The following PPTC7 variants were observed in gnomAD, a reference collection of about 807,000 sequenced individuals.
PPTC7 encodes protein phosphatase PTC7 homolog.
In PPTC7, 6 loss-of-function variants were observed where a neutral mutation model predicts 30.8. That is an observed-to-expected ratio of 0.19 (90% CI 0.11 to 0.38). The LOEUF (loss-of-function observed/expected upper bound fraction) is 0.38. PPTC7 is among the 10% of genes least tolerant of loss of function. PPTC7 has a pLI of 1.00. For missense variants in PPTC7, 218 were observed against 404.8 expected (o/e 0.54, Z 3.96); for synonymous variants, 163 against 168.1 (o/e 0.97, Z 0.23).
At chr12:110,538,865 A>G (rs1467129753) in intron 4 of PPTC7, among the ~76,000 whole-genome samples, 1 of 152,158 alleles carries the variant, frequency 6.6e-6, no homozygotes, top group Non-Finnish European at 1.5e-5. Context: ...TGACCAATCT[A>G]TCTAAAGTAG....
At chr12:110,541,462 C>T (rs1426899677) in intron 3 of PPTC7, among the ~76,000 whole-genome samples, 2 of 151,974 alleles carry the variant, frequency 1.3e-5, no homozygotes, top group African/African-American at 2.4e-5. Context: ...AATCCCTGCA[C>T]TTTGGGAGGC....
chr12:110,554,249 T>A (rs567001836), intron 1 of PPTC7, among the ~76,000 whole-genome samples: 2 of 152,306 alleles, frequency 1.3e-5, no homozygotes, highest in South Asian at 4.1e-4. Flanking sequence ...TCACAGCTCA[T>A]TGCAGTCTTG....
chr12:110,540,414 T>G (rs2064250377), intron 3 of PPTC7, among the ~76,000 whole-genome samples: 1 of 149,858 alleles, frequency 6.7e-6, no homozygotes, highest in Admixed American at 6.7e-5. Context: ...CTCTGCCTCT[T>G]GGGTTCAAGC....
In PPTC7 at chr12:110,534,420, T is replaced by G. The variant is rs1042018021; in HGVS notation, c.*2617A>C. 2 of 151,726 alleles carry G rather than the reference T, an allele frequency of 1.3e-5. No individual in the cohort carries two copies. Among genetic ancestry groups the G allele is most frequent in the African/African-American group, 4.8e-5 (2 of 41,260 alleles). 9.4% of individuals were successfully genotyped at this position (151,726 alleles called of 1,614,324 possible). On this transcript the variant is annotated 3_prime_UTR_variant, in exon 6 of 6. Coordinates refer to ENST00000354300, the MANE Select transcript of PPTC7 (RefSeq NM_139283.2). ...GGCGTGTGTGTGTGTGTGTGTTGCT[T>G]AAAATATAATTAACACACACATCAG... is the stretch of plus-strand genomic sequence containing the variant.
At chr12:110,580,119 C>T (rs1278336920) in intron 1 of PPTC7, among the ~76,000 whole-genome samples, 1 of 152,042 alleles carries the variant, frequency 6.6e-6, no homozygotes, top group Admixed American at 6.6e-5. Context: ...TTCCCTTTAT[C>T]CCCTAGTCCA....
At chr12:110,540,891 G>A (rs1034413166) in intron 3 of PPTC7, among the ~76,000 whole-genome samples, 5 of 151,156 alleles carry the variant, frequency 3.3e-5, no homozygotes, top group South Asian at 2.1e-4. Context: ...TTCTCCTGGC[G>A]CAGCCTCCCG....
At chr12:110,570,268 C>A (rs2064523019) in intron 1 of PPTC7, among the ~76,000 whole-genome samples, 1 of 133,584 alleles carries the variant, frequency 7.5e-6, no homozygotes, top group South Asian at 2.7e-4. Context: ...TGCTTGAAGG[C>A]AGCATGCTCC....
At chr12:110,566,683 T>A (rs2064486437) in intron 1 of PPTC7, among the ~76,000 whole-genome samples, 1 of 152,176 alleles carries the variant, frequency 6.6e-6, no homozygotes, top group South Asian at 2.1e-4. Flanking sequence ...CTTTGACCCA[T>A]GTTTGTAGGC....
Position 110,536,993 on chromosome 12 carries a change from G to A in PPTC7, c.*44C>T, listed in dbSNP as rs1205261160. 6.7e-7 allele frequency: 1 copy of A among 1,491,446 alleles called. No homozygotes were observed. Among genetic ancestry groups the A allele is most frequent in the Non-Finnish European group, 9.4e-7 (1 of 1,068,944 alleles). The allele number at this position is 1,491,446 out of a possible 1,614,324, so 92.4% of individuals were successfully genotyped here. The stretch of plus-strand genomic sequence containing the variant: ...AGCAGGATCAGCACACATGGCAGGG[G>A]AAATTTGGGATGATGAAAGGAAAGG... On this transcript the variant is annotated 3_prime_UTR_variant, in exon 6 of 6. Coordinates refer to ENST00000354300, the MANE Select transcript of PPTC7 (RefSeq NM_139283.2).
intron 1 of PPTC7, among the ~76,000 whole-genome samples, chr12:110,567,189 C>T (rs915560196): frequency 2.0e-5 from 3 of 152,236 alleles, no homozygotes; most frequent in Non-Finnish European, 2.9e-5. Flanking sequence ...TTCATCCCCA[C>T]TGGCTGGCCT....
rs2064207350 is a variant in PPTC7 at position 110,534,875 on chromosome 12, C to T, written c.*2162G>A. 2 of 152,560 alleles carry T rather than the reference C, an allele frequency of 1.3e-5. No individual in the cohort carries two copies. The highest frequency in any genetic ancestry group is 2.9e-5 in the Non-Finnish European group (2 of 68,030). The allele number at this position is 152,560 out of a possible 1,614,324, so 9.5% of individuals were successfully genotyped here. A position where few individuals can be genotyped will look rare whatever the true frequency, so the allele number is the denominator to read the frequency against. ...GGGTTAAATGAGAGCAGAGAAAAAC[C>T]AGAAACTTGACGAGCACTGCTCTTA... On this transcript the variant is annotated 3_prime_UTR_variant, in exon 6 of 6. Transcript: ENST00000354300.
chr12:110,574,942 CTTTT>C (rs77125076), intron 1 of PPTC7, among the ~76,000 whole-genome samples: 2 of 128,940 alleles, frequency 1.6e-5, no homozygotes, highest in African/African-American at 5.9e-5. Flanking sequence ...CCATGCCCGG[CTTTT>C]TTTTTTTTTT....
At chr12:110,552,632 A>T (rs1307424883) in intron 1 of PPTC7, among the ~76,000 whole-genome samples, 1 of 152,242 alleles carries the variant, frequency 6.6e-6, no homozygotes, top group African/African-American at 2.4e-5. Flanking sequence ...TGGGAGGCCG[A>T]GGCGGGCGGA....
At chr12:110,577,992 T>C (rs1418759181) in intron 1 of PPTC7, among the ~76,000 whole-genome samples, 1 of 152,078 alleles carries the variant, frequency 6.6e-6, no homozygotes, top group Non-Finnish European at 1.5e-5. Flanking sequence ...ACATATATCA[T>C]CAAGAAAACT....
rs535300475 is a variant in PPTC7, at chr12:110,538,900, C to T, written c.727-627G>A. On this transcript the variant is annotated intron_variant, in intron 4 of 5. Transcript: ENST00000354300. ...GTAGCAGTCCCTTCTACTCTCTATTCCCTTATCCAGCTTTGTTTTTCTTAT... is the reference window on the plus strand; with the variant it reads ...GTAGCAGTCCCTTCTACTCTCTATTTCCTTATCCAGCTTTGTTTTTCTTAT... Among the ~76,000 whole-genome samples the T allele has an allele frequency of 2.6e-5, 4 of 152,318 alleles. 1 individual carries two copies. In the South Asian group the frequency reaches 8.3e-4, roughly 32 times the overall value.
chr12:110,556,524 A>G (rs1272055509), intron 1 of PPTC7, among the ~76,000 whole-genome samples: 1 of 152,214 alleles, frequency 6.6e-6, no homozygotes, highest in Non-Finnish European at 1.5e-5. Context: ...GAGCAAGAAT[A>G]CCCTTTAAAC....
At chr12:110,579,998 A>T (rs148879477) in intron 1 of PPTC7, among the ~76,000 whole-genome samples, 2,286 of 151,778 alleles carry the variant, frequency 0.015, 63 homozygotes, top group African/African-American at 0.052. Flanking sequence ...GGGCAACAAG[A>T]GCGAAACTCC....
At chr12:110,572,914 CTG>C (rs1178906580) in intron 1 of PPTC7, among the ~76,000 whole-genome samples, 2 of 152,066 alleles carry the variant, frequency 1.3e-5, no homozygotes, top group Non-Finnish European at 2.9e-5. Flanking sequence ...GAGTCTCACT[CTG>C]TCACCCAGGC....
At chr12:110,547,199 T>C (rs1229914261) in intron 2 of PPTC7, among the ~76,000 whole-genome samples, 7 of 152,180 alleles carry the variant, frequency 4.6e-5, no homozygotes, top group Admixed American at 4.6e-4. Context: ...AATAAGGGAC[T>C]GGTTAAATAA....
Sources: gnomAD v4.1 joint callset for allele counts (sites outside exome capture counted in the v4.1 genomes callset) on GRCh38, gnomAD v4.1.1 for gene constraint, MANE v1.5 for transcripts, NCBI Gene and HGNC (gene_info 2026-07-23, HGNC 2026-07-21) for gene names.